The following PRDM16 variants were observed in gnomAD, a reference collection of about 807,000 sequenced individuals.
The protein encoded by PRDM16 is histone-lysine N-methyltransferase PRDM16.
Under a neutral mutation model 110.6 loss-of-function variants are expected in PRDM16, and 23 were observed. The observed-to-expected ratio is 0.21, with a 90% confidence interval of 0.15 to 0.29. The LOEUF is 0.29. Ranked by LOEUF, PRDM16 falls within the 10% of genes least tolerant of loss-of-function variation. The probability of loss-of-function intolerance (pLI) is 1.00; values close to 1 mark genes in which losing one functional copy is unlikely to be tolerated. For synonymous variants in PRDM16, 799 were observed against 781.8 expected, an observed-to-expected ratio of 1.02 and a Z score of -0.37; for missense variants, 1,615 against 1,794.3, an observed-to-expected ratio of 0.90 and a Z score of 1.81.
At chr1:3,285,246 C>A (rs533743089) in intron 3 of PRDM16, among the ~76,000 whole-genome samples, 1 of 152,278 alleles carries the variant, frequency 6.6e-6, no homozygotes, top group African/African-American at 2.4e-5. Context: ...CCCTCTGGCC[C>A]CAGCCCCGTG....
At chr1:3,165,255 T>A (rs1643937741) in intron 1 of PRDM16, among the ~76,000 whole-genome samples, 1 of 139,830 alleles carries the variant, frequency 7.2e-6, no homozygotes, top group South Asian at 2.4e-4. Context: ...TTACCTGGGC[T>A]CAGGGACAGG....
At chr1:3,196,855 G>C (rs1170844578) in intron 2 of PRDM16, among the ~76,000 whole-genome samples, 2 of 152,212 alleles carry the variant, frequency 1.3e-5, no homozygotes, top group Non-Finnish European at 2.9e-5. Flanking sequence ...CGAGGCTGAC[G>C]GGTAGCAGCA....
rs1639793394 is a variant in PRDM16 at position 3,246,482 on chromosome 1, G to GCGTT, written c.438+2346_438+2349dup. ...CAGGGTACCAGAGCCAGCATCGGGG[G>GCGTT]CGTTGGTGGGCGGTCCTGTCCAAGC... On this transcript the variant is annotated intron_variant, in intron 3 of 16. Transcript: ENST00000270722. The surrounding 1 kb of genome is among the most constrained non-coding windows in gnomAD (Gnocchi z 5.2). 6.6e-6 allele frequency among the ~76,000 whole-genome samples: 1 copy of GCGTT among 152,210 alleles called. No individual in the cohort carries two copies. Among genetic ancestry groups the GCGTT allele is most frequent in the South Asian group, 2.1e-4 (1 of 4,836 alleles).
intron 3 of PRDM16, among the ~76,000 whole-genome samples, chr1:3,254,698 G>A (rs958069880): frequency 2.6e-5 from 4 of 152,122 alleles, no homozygotes; most frequent in Non-Finnish European, 5.9e-5. Flanking sequence ...TCATGGATAG[G>A]AAGAATCAAT....
At chr1:3,092,624 A>G (rs796235782) in intron 1 of PRDM16, among the ~76,000 whole-genome samples, 18 of 152,284 alleles carry the variant, frequency 1.2e-4, no homozygotes, top group African/African-American at 4.1e-4. Context: ...CTGGCCAGGC[A>G]TCCTCAGGGC....
intron 1 of PRDM16, among the ~76,000 whole-genome samples, chr1:3,131,169 G>T (rs577976300): frequency 6.6e-6 from 1 of 152,182 alleles, no homozygotes; most frequent in South Asian, 2.1e-4. Flanking sequence ...TCATCCTGAT[G>T]ATCCATATCA....
At chr1:3,278,769 C>T (rs767688646) in intron 3 of PRDM16, among the ~76,000 whole-genome samples, 32 of 152,266 alleles carry the variant, frequency 2.1e-4, no homozygotes, top group Admixed American at 1.5e-3. Context: ...CTCTGGCAGA[C>T]GTGTCCAAAC....
At position 3,339,361 on chromosome 1, in the gene PRDM16, G is replaced by A. The variant is rs779020747; in HGVS notation, c.439-45791G>A. ...GGCCTCCGCGCATCCGTGCCCGGAA[G>A]CAGGAACAGAGGGATGGGTGGATGA... On this transcript the variant is annotated intron_variant, in intron 3 of 16. Coordinates refer to ENST00000270722, the MANE Select transcript of PRDM16 (RefSeq NM_022114.4). The surrounding 1 kb of genome is among the most constrained non-coding windows in gnomAD (Gnocchi z 5.0). Among the ~76,000 whole-genome samples the A allele has an allele frequency of 1.3e-5, 2 of 152,162 alleles. No homozygotes were observed. The highest frequency in any genetic ancestry group is 2.9e-5 in the Non-Finnish European group (2 of 68,030).
At position 3,433,790 on chromosome 1, in the gene PRDM16, T is replaced by C. The variant is rs775211131; in HGVS notation, c.3810T>C (p.Phe1270=). 9 of 1,613,486 alleles carry C rather than the reference T, an allele frequency of 5.6e-6. No individual in the cohort carries two copies. Among genetic ancestry groups the C allele is most frequent in the Non-Finnish European group, 7.6e-6 (9 of 1,179,900 alleles). ...GAGCCACGTCGGAGTCTGGAGCATT[T>C]CACCCCATCAACCACCTCTGACGGG... ...VTGATSESGA[F]HPINHL Residue 1270 remains phenylalanine (F), a synonymous_variant, in exon 17 of 17, where the codon TTT becomes TTC. Transcript: ENST00000270722.
At chr1:3,257,664 CA>C (rs963353240) in intron 3 of PRDM16, among the ~76,000 whole-genome samples, 4 of 152,180 alleles carry the variant, frequency 2.6e-5, no homozygotes, top group African/African-American at 9.7e-5. Context: ...CTTTTCAAAA[CA>C]TCCCTCATTT....
chr1:3,145,510 C>A (rs1334254158), intron 1 of PRDM16, among the ~76,000 whole-genome samples: 2 of 152,162 alleles, frequency 1.3e-5, no homozygotes, highest in Non-Finnish European at 2.9e-5. Flanking sequence ...AGTTCCCAGG[C>A]CACCCCAGGG....
intron 3 of PRDM16, among the ~76,000 whole-genome samples, chr1:3,328,894 A>G (rs1641980677): frequency 6.6e-6 from 1 of 152,080 alleles, no homozygotes; most frequent in Non-Finnish European, 1.5e-5. Flanking sequence ...CCCCGTTCAG[A>G]TTCAGTGAGA....
At chr1:3,073,220 C>T (rs1451229950) in intron 1 of PRDM16, among the ~76,000 whole-genome samples, 2 of 152,224 alleles carry the variant, frequency 1.3e-5, no homozygotes, top group African/African-American at 2.4e-5. Flanking sequence ...CAGGGGCTCC[C>T]CCCACCGGGC....
At chr1:3,345,039 C>G (rs1347902549) in intron 3 of PRDM16, among the ~76,000 whole-genome samples, 1 of 152,182 alleles carries the variant, frequency 6.6e-6, no homozygotes, top group Non-Finnish European at 1.5e-5. Flanking sequence ...ATGGTTTCTC[C>G]CCTCAACTTA....
At chr1:3,240,635 G>T (rs754930810) in intron 2 of PRDM16, among the ~76,000 whole-genome samples, 19 of 152,170 alleles carry the variant, frequency 1.2e-4, no homozygotes, top group African/African-American at 4.3e-4. Flanking sequence ...TAGGTTCTCA[G>T]ATACTTTAAT....
chr1:3,360,680 C>T (rs761507507), intron 3 of PRDM16, among the ~76,000 whole-genome samples: 3 of 152,246 alleles, frequency 2.0e-5, no homozygotes, highest in Admixed American at 6.5e-5. Flanking sequence ...GAGAAGGCTA[C>T]GTGGGCCTCT....
At chr1:3,100,897 G>A (rs760651129) in intron 1 of PRDM16, among the ~76,000 whole-genome samples, 5 of 152,070 alleles carry the variant, frequency 3.3e-5, no homozygotes, top group African/African-American at 4.8e-5. Context: ...CGAAGCCCCC[G>A]GGGAGGAGCT....
At chr1:3,176,663 A>C (rs1035929925) in intron 1 of PRDM16, among the ~76,000 whole-genome samples, 1 of 150,786 alleles carries the variant, frequency 6.6e-6, no homozygotes, top group East Asian at 2.0e-4. Flanking sequence ...CTATCCATCC[A>C]GCCATTCATT....
chr1:3,280,304 T>G (rs1314038103), intron 3 of PRDM16, among the ~76,000 whole-genome samples: 1 of 152,240 alleles, frequency 6.6e-6, no homozygotes, highest in South Asian at 2.1e-4. Flanking sequence ...TGCACGTGTG[T>G]GTGCATGCTT....
Sources: allele counts gnomAD v4.1 joint callset (sites outside exome capture counted in the v4.1 genomes callset), GRCh38; gene constraint gnomAD v4.1.1; non-coding constraint Gnocchi (gnomAD v3.1); transcripts MANE v1.5; gene names NCBI Gene and HGNC (gene_info 2026-07-23, HGNC 2026-07-21).